PRAG1: variants seen among roughly 807,000 people sequenced by gnomAD.
PRAG1 encodes PEAK1 related, kinase-activating pseudokinase 1, also known as inactive tyrosine-protein kinase PRAG1.
PRAG1 carries 110 observed loss-of-function variants against 95.6 expected under a neutral mutation model. That is an observed-to-expected ratio of 1.15 (90% CI 0.99 to 1.35). The LOEUF (loss-of-function observed/expected upper bound fraction) is 1.35, where lower values mean the gene tolerates loss of function less well. Among genes scored for constraint, PRAG1 ranks in the 40% most tolerant of loss-of-function variants. PRAG1 has a pLI of 0.00. For synonymous variants in PRAG1, 1,052 were observed against 819.4 expected (o/e 1.28, Z -4.85); for missense variants, 2,554 against 1,864.7 (o/e 1.37, Z -6.81).
Position 8,376,403 on chromosome 8 carries a change from G to A in PRAG1, c.2006C>T (p.Thr669Met), listed in dbSNP as rs376370871. Residue 669 changes from threonine to methionine, a missense_variant, in exon 3 of 6, where the codon ACG becomes ATG. By Grantham distance (81) the Thr-to-Met change is moderately conservative. Coordinates refer to ENST00000615670, the MANE Select transcript of PRAG1 (RefSeq NM_001080826.3). ...TGTGGGGTGGAGACGGTGCCAGGTC[G>A]TGGAGTTTGAATGGTCCGTGGGGCC... ...KNGPTDHSNS[T>M]TWHRLHPTDG... The A allele has an allele frequency of 2.5e-5, 40 of 1,614,118 alleles. No homozygotes were observed. The highest frequency in any genetic ancestry group is 3.3e-4 in the Middle Eastern group (2 of 6,084).
chr8:8,355,184 A>T (rs970964699), intron 3 of PRAG1, among the ~76,000 whole-genome samples: 1 of 152,200 alleles, frequency 6.6e-6, no homozygotes, highest in Non-Finnish European at 1.5e-5. Context: ...TGGCATAAAA[A>T]ATTAGGAATA....
At chr8:8,352,856 A>C (rs921834919) in intron 3 of PRAG1, among the ~76,000 whole-genome samples, 1 of 152,214 alleles carries the variant, frequency 6.6e-6, no homozygotes, top group Admixed American at 6.5e-5. Flanking sequence ...CATAAGCTGA[A>C]GGTGAAGGGA....
rs752836718 is a variant in PRAG1 at position 8,318,160 on chromosome 8, AAGCTGCAGG to A, written c.4206_4214del (p.Leu1403_Leu1405del). 1.9e-6 allele frequency: 3 copies of A among 1,611,848 alleles called. No individual in the cohort carries two copies. In the African/African-American group the frequency reaches 4.0e-5, roughly 22 times the overall value. ...GTGCAGGCTGGGGCTTGGCTCACAG[AAGCTGCAGG>A]AGCTTCAGCGACTGTAAGAGGGCCC... On this transcript the variant is annotated inframe_deletion, in exon 6 of 6. Coordinates refer to ENST00000615670, the MANE Select transcript of PRAG1 (RefSeq NM_001080826.3). This position sits in a 1 kb window ranked among gnomAD's most constrained non-coding sequence, Gnocchi z 4.2.
At chr8:8,355,262 G>T in intron 3 of PRAG1, among the ~76,000 whole-genome samples, 1 of 152,114 alleles carries the variant, frequency 6.6e-6, no homozygotes, top group East Asian at 1.9e-4. Flanking sequence ...AGAAATTGAA[G>T]AGGACATAAT....
At chr8:8,320,712 T>C (rs1164186576) in intron 5 of PRAG1, among the ~76,000 whole-genome samples, 1 of 152,196 alleles carries the variant, frequency 6.6e-6, no homozygotes, top group East Asian at 1.9e-4. Flanking sequence ...ACTCCTAAAA[T>C]AACCCTGCCT....
intron 3 of PRAG1, among the ~76,000 whole-genome samples, chr8:8,348,201 G>A (rs571023294): frequency 1.3e-5 from 2 of 152,316 alleles, no homozygotes; most frequent in African/African-American, 4.8e-5. Context: ...ATAGGCATGA[G>A]CCACCACACC....
At chr8:8,380,515 C>T (rs1444106671) in intron 2 of PRAG1, among the ~76,000 whole-genome samples, 3 of 151,898 alleles carry the variant, frequency 2.0e-5, no homozygotes, top group Admixed American at 6.6e-5. Context: ...AGGAGAATTG[C>T]TTGAACCCTG....
intron 4 of PRAG1, among the ~76,000 whole-genome samples, chr8:8,337,009 G>A (rs930002617): frequency 1.3e-5 from 2 of 150,338 alleles, no homozygotes; most frequent in African/African-American, 4.9e-5. Context: ...ATCATGATAT[G>A]CCCTGGAATG....
chr8:8,320,551 G>C (rs1024549108), intron 5 of PRAG1, among the ~76,000 whole-genome samples: 4 of 152,170 alleles, frequency 2.6e-5, no homozygotes, highest in Non-Finnish European at 4.4e-5. Flanking sequence ...TACCCTGAAA[G>C]GGACTGAAGT....
intron 3 of PRAG1, among the ~76,000 whole-genome samples, chr8:8,347,215 C>A (rs902548994): frequency 6.6e-6 from 1 of 152,200 alleles, no homozygotes; most frequent in African/African-American, 2.4e-5. Flanking sequence ...GGCCTTGTGA[C>A]TAGCTGGGAC....
rs374827832 is a variant in PRAG1 at position 8,318,662 on chromosome 8, C to T, written c.3713G>A (p.Arg1238Gln). 3 of 1,611,620 alleles carry T rather than the reference C, an allele frequency of 1.9e-6. No homozygotes were observed. The highest frequency in any genetic ancestry group is 2.7e-5 in the African/African-American group (2 of 74,780). ...AGCAGACACGATCTCGGGGGCCAGC[C>T]GGGCCTGGCTCTTCTTCTGCTGCAG... Reference protein sequence around the residue: ...PNLQQKKSQARLAPEIVSASQ... With the variant: ...PNLQQKKSQAQLAPEIVSASQ... The change falls in exon 6 of 6, where the codon CGG (arginine) becomes CAG (glutamine). Residue 1238 changes from arginine to glutamine, a missense_variant. Transcript: ENST00000615670. The surrounding 1 kb of genome is among the most constrained non-coding windows in gnomAD (Gnocchi z 4.2).
At chr8:8,346,201 A>G (rs920556639) in intron 3 of PRAG1, among the ~76,000 whole-genome samples, 27 of 152,236 alleles carry the variant, frequency 1.8e-4, no homozygotes, top group Admixed American at 7.8e-4. Context: ...TCTGTCTTTC[A>G]CAAAACTGGT....
At position 8,381,666 on chromosome 8, in the gene PRAG1, CG is replaced by C; in HGVS notation, c.81del (p.Ser29ProfsTer46). The C allele has an allele frequency of 6.2e-7, 1 of 1,613,706 alleles. No homozygotes were observed. Among genetic ancestry groups the C allele is most frequent in the Non-Finnish European group, 8.5e-7 (1 of 1,179,756 alleles). ...AGGCAGAAGCAGTTCTTGCAGGACC[CG>C]GGTTTCCAGATGTGCTCCACAAAGT... ...CSDFVEHIWK[P>X]GSCKNCFCLR... On this transcript the variant is annotated frameshift_variant, in exon 2 of 6. Transcript: ENST00000615670. LOFTEE classifies it high-confidence loss of function.
intron 5 of PRAG1, among the ~76,000 whole-genome samples, chr8:8,324,001 G>T (rs1798550923): frequency 6.6e-6 from 1 of 152,200 alleles, no homozygotes; most frequent in Admixed American, 6.5e-5. Context: ...TGAATGACAG[G>T]GGCAGGGATA....
intron 4 of PRAG1, among the ~76,000 whole-genome samples, chr8:8,336,867 ACAAC>A (rs1194082414): frequency 1.9e-4 from 29 of 151,108 alleles, no homozygotes; most frequent in African/African-American, 7.1e-4. Context: ...TTTTCCTTAT[ACAAC>A]TAAAACCTTC....
chr8:8,373,454 A>ATTTTTTTTT (rs796490286), intron 3 of PRAG1, among the ~76,000 whole-genome samples: 1 of 138,342 alleles, frequency 7.2e-6, no homozygotes, highest in Non-Finnish European at 1.6e-5. Flanking sequence ...TATTTTCTAG[A>ATTTTTTTTT]TTTTTTTTTT....
At position 8,318,337 on chromosome 8, in the gene PRAG1, C is replaced by T. The variant is rs113101993; in HGVS notation, c.4038G>A (p.Ala1346=). The part of the protein sequence containing the change: ...LVQQPGTSEE[A]LCGTLHNWID... ...TCCAGTTGTGCAGCGTGCCGCACAGCGCCTCCTCCGAGGTGCCCGGCTGCT... is the reference window on the plus strand; with the variant it reads ...TCCAGTTGTGCAGCGTGCCGCACAGTGCCTCCTCCGAGGTGCCCGGCTGCT... The change falls in exon 6 of 6, where the codon GCG becomes GCA. Residue 1346 remains alanine, a synonymous_variant. Coordinates refer to ENST00000615670, the MANE Select transcript of PRAG1 (RefSeq NM_001080826.3). The surrounding 1 kb of genome is among the most constrained non-coding windows in gnomAD (Gnocchi z 4.2). 6.5e-5 allele frequency: 105 copies of T among 1,614,082 alleles called. No individual in the cohort carries two copies. The African/African-American group carries it at 9.5e-4, about 15-fold the overall frequency.
chr8:8,357,770 C>T (rs980073038), intron 3 of PRAG1, among the ~76,000 whole-genome samples: 1 of 152,076 alleles, frequency 6.6e-6, no homozygotes, highest in African/African-American at 2.4e-5. Flanking sequence ...TCACAGTAGC[C>T]AAAATGTAGA....
rs926262860 is a variant in PRAG1, at chr8:8,327,919, G to T, written c.2863C>A (p.Leu955Met). 2 of 1,613,972 alleles carry T rather than the reference G, an allele frequency of 1.2e-6. No homozygotes were observed. The highest frequency in any genetic ancestry group is 2.2e-5 in the East Asian group (1 of 44,880). The change falls in exon 5 of 6, where the codon CTG (leucine) becomes ATG (methionine). Residue 955 changes from leucine to methionine, a missense_variant. By Grantham distance (15) the Leu-to-Met change is conservative. Coordinates refer to ENST00000615670, the MANE Select transcript of PRAG1 (RefSeq NM_001080826.3). The part of the protein sequence containing the change: ...ISSKEGTYAK[L>M]GGLYTQSLAR... ...AGGGACTGGGTGTAGAGTCCCCCCA[G>T]CTTGGCATAGGTGCCCTCCTTGCTG...
Sources: allele counts gnomAD v4.1 joint callset (sites outside exome capture counted in the v4.1 genomes callset), GRCh38; gene constraint gnomAD v4.1.1; non-coding constraint Gnocchi (gnomAD v3.1); transcripts MANE v1.5; gene names NCBI Gene and HGNC (gene_info 2026-07-23, HGNC 2026-07-21).